The following PRKD1 variants were observed in gnomAD, a reference collection of about 807,000 sequenced individuals.
The protein encoded by PRKD1 is serine/threonine-protein kinase D1.
PRKD1 carries 63 observed loss-of-function variants against 95.9 expected under a neutral mutation model. That is an observed-to-expected ratio of 0.66 (90% confidence interval 0.54 to 0.81). The LOEUF is 0.81. Ranked by LOEUF, PRKD1 falls within the 30% of genes least tolerant of loss-of-function variation. PRKD1 has a pLI of 0.00. For missense variants in PRKD1, 1,048 were observed against 1,165.3 expected (o/e 0.90, Z 1.47); for synonymous variants, 425 against 423.1 (o/e 1.00, Z -0.05).
intron 1 of PRKD1, among the ~76,000 whole-genome samples, chr14:29,838,428 C>G (rs1891694642): frequency 6.6e-6 from 1 of 151,962 alleles, no homozygotes; most frequent in South Asian, 2.1e-4. Flanking sequence ...GAATTGAGGC[C>G]CCCTGTATAA....
chr14:29,620,306 A>G (rs1462024531), intron 13 of PRKD1, among the ~76,000 whole-genome samples: 1 of 151,926 alleles, frequency 6.6e-6, no homozygotes, highest in East Asian at 1.9e-4. Context: ...AATGGCAACA[A>G]AAGCCAAAAT....
At chr14:29,891,658 G>GT (rs373117528) in intron 1 of PRKD1, among the ~76,000 whole-genome samples, 1,948 of 138,520 alleles carry the variant, frequency 0.014, 37 homozygotes, top group African/African-American at 0.046. Context: ...AATTTTTGGG[G>GT]TTTTTTTTTT....
At chr14:29,823,510 T>C (rs1324395455) in intron 1 of PRKD1, among the ~76,000 whole-genome samples, 1 of 152,170 alleles carries the variant, frequency 6.6e-6, no homozygotes, top group African/African-American at 2.4e-5. Flanking sequence ...CCTGACCCCA[T>C]TGAATTGATA....
Position 29,597,789 on chromosome 14 carries a change from C to G in PRKD1, c.2167-31G>C, listed in dbSNP as rs1296658983. On this transcript the variant is annotated intron_variant, in intron 15 of 17. Transcript: ENST00000331968. The stretch of plus-strand genomic sequence containing the variant: ...GATGAAAGGATTTGCAGAAATACTC[C>G]GTTCACAATTGTGTGTCTGTGTGTC... 3.2e-6 allele frequency: 5 copies of G among 1,583,362 alleles called. No homozygotes were observed. In the Admixed American group the frequency reaches 5.3e-5, roughly 17 times the overall value.
chr14:29,843,432 G>A (rs936720444), intron 1 of PRKD1, among the ~76,000 whole-genome samples: 3 of 152,026 alleles, frequency 2.0e-5, no homozygotes, highest in Non-Finnish European at 4.4e-5. Context: ...TAAACTATAG[G>A]TACCAGACCC....
At chr14:29,642,255 A>G (rs561329109) in intron 4 of PRKD1, among the ~76,000 whole-genome samples, 6 of 152,296 alleles carry the variant, frequency 3.9e-5, no homozygotes, top group Non-Finnish European at 7.4e-5. Flanking sequence ...AAAGATTTTC[A>G]GAATCAATGA....
At position 29,891,748 on chromosome 14, in the gene PRKD1, T is replaced by C. The variant is rs375810208; in HGVS notation, c.264+35501A>G. On this transcript the variant is annotated intron_variant, in intron 1 of 17. Coordinates refer to ENST00000331968, the MANE Select transcript of PRKD1 (RefSeq NM_002742.3). The stretch of plus-strand genomic sequence containing the variant: ...TAAACAATGCACGTATTATTCCTCT[T>C]TTATCACTCACAGAAAATATACGCT... Among the ~76,000 whole-genome samples, 143 of 152,260 alleles carry C rather than the reference T, an allele frequency of 9.4e-4. 3 individuals are homozygous for C. Among genetic ancestry groups the C allele is most frequent in the African/African-American group, 3.3e-3 (138 of 41,558 alleles).
chr14:29,902,345 G>GA (rs1476481103), intron 1 of PRKD1, among the ~76,000 whole-genome samples: 1 of 151,628 alleles, frequency 6.6e-6, no homozygotes, highest in East Asian at 1.9e-4. Context: ...TTTGTTACTA[G>GA]AAAAAATAGG....
intron 4 of PRKD1, among the ~76,000 whole-genome samples, chr14:29,645,699 A>G (rs1338709393): frequency 1.3e-5 from 2 of 151,822 alleles, no homozygotes; most frequent in Non-Finnish European, 2.9e-5. Context: ...TTAGTTTATT[A>G]GCCAGTAGAA....
chr14:29,690,536 G>A (rs1166314740), intron 2 of PRKD1, among the ~76,000 whole-genome samples: 1 of 152,094 alleles, frequency 6.6e-6, no homozygotes, highest in African/African-American at 2.4e-5. Flanking sequence ...TGTGAATAAA[G>A]CCACCATCAT....
chr14:29,715,891 C>G (rs997537026), intron 2 of PRKD1, among the ~76,000 whole-genome samples: 1 of 152,130 alleles, frequency 6.6e-6, no homozygotes. Flanking sequence ...AAGCCACATG[C>G]GTTTTAGAAG....
chr14:29,764,345 G>A (rs913441418), intron 1 of PRKD1, among the ~76,000 whole-genome samples: 5 of 151,986 alleles, frequency 3.3e-5, no homozygotes, highest in Admixed American at 3.3e-4. Flanking sequence ...GAGTTGACAA[G>A]GTAAGAGGGA....
chr14:29,725,537 T>C lies in PRKD1; in HGVS notation c.402A>G (p.Ser134=). Residue 134 remains serine, a splice_region_variant and synonymous_variant, in exon 2 of 18, where the codon TCA becomes TCG. Transcript: ENST00000331968. ...AGAAAAGGTATAAAAGTATACTACCTGACAAGACCACTTCAATAAGATCGC... is the reference window on the plus strand; with the variant it reads ...AGAAAAGGTATAAAAGTATACTACCCGACAAGACCACTTCAATAAGATCGC... ...QEGDLIEVVL[S]ASATFEDFQI... is the part of the protein sequence containing the mutation. 6 of 1,613,122 alleles carry C rather than the reference T, an allele frequency of 3.7e-6. No homozygotes were observed. Among genetic ancestry groups the C allele is most frequent in the Non-Finnish European group, 5.1e-6 (6 of 1,179,424 alleles).
intron 1 of PRKD1, among the ~76,000 whole-genome samples, chr14:29,777,851 GCAC>G: frequency 6.6e-6 from 1 of 152,126 alleles, no homozygotes; most frequent in Non-Finnish European, 1.5e-5. Context: ...ATTCTTCTCA[GCAC>G]CACATCACAC....
intron 13 of PRKD1, among the ~76,000 whole-genome samples, chr14:29,611,013 G>A (rs2139048024): frequency 6.6e-6 from 1 of 152,334 alleles, no homozygotes; most frequent in Admixed American, 6.5e-5. Context: ...TTGAACATGT[G>A]AAGCACAGAG....
chr14:29,834,911 T>C (rs1057345142), intron 1 of PRKD1, among the ~76,000 whole-genome samples: 1 of 152,168 alleles, frequency 6.6e-6, no homozygotes, highest in Non-Finnish European at 1.5e-5. Flanking sequence ...GAGAACTCCA[T>C]AGTCAATGTT....
intron 4 of PRKD1, among the ~76,000 whole-genome samples, chr14:29,652,597 CAT>C (rs977020534): frequency 2.6e-5 from 4 of 152,178 alleles, no homozygotes; most frequent in African/African-American, 9.7e-5. Context: ...AATTTTTGGA[CAT>C]CTTTCCTCAC....
At chr14:29,727,022 A>G (rs905188744) in intron 1 of PRKD1, among the ~76,000 whole-genome samples, 1 of 152,162 alleles carries the variant, frequency 6.6e-6, no homozygotes, top group Non-Finnish European at 1.5e-5. Context: ...CCAACAGTGT[A>G]AAAGTGCTCC....
In PRKD1 at chr14:29,577,544, G is replaced by A. The variant is rs911200494; in HGVS notation, c.2521-88C>T. On this transcript the variant is annotated intron_variant, in intron 17 of 17. Coordinates refer to ENST00000331968, the MANE Select transcript of PRKD1 (RefSeq NM_002742.3). ...TGATGTCAGTTTCTGCAATCTATGA[G>A]TTACCCTTCTCCTTCCACTCTAACA... 78 of 1,266,244 alleles carry A rather than the reference G, an allele frequency of 6.2e-5. No individual in the cohort carries two copies. The Admixed American group carries it at 1.4e-3, about 22-fold the overall frequency. The allele number at this position is 1,266,244 out of a possible 1,614,324, so 78.4% of individuals were successfully genotyped here.
Sources: allele counts gnomAD v4.1 joint callset (sites outside exome capture counted in the v4.1 genomes callset), GRCh38; gene constraint gnomAD v4.1.1; transcripts MANE v1.5; gene names NCBI Gene and HGNC (gene_info 2026-07-23, HGNC 2026-07-21).